Variants in COL9A1 observed in about 807,000 individuals in gnomAD.
COL9A1 encodes the protein collagen type IX alpha 1 chain.
Under a neutral mutation model 142.6 loss-of-function variants are expected in COL9A1, and 104 were observed. The observed-to-expected ratio is 0.73, with a 90% CI of 0.62 to 0.86. COL9A1 has a LOEUF of 0.86. COL9A1 is among the 40% of genes least tolerant of loss of function. The pLI, the probability that COL9A1 is intolerant of heterozygous loss-of-function variation, is 0.00. For synonymous variants in COL9A1, 466 were observed against 396.0 expected (o/e 1.18, Z -2.10); for missense variants, 1,210 against 1,176.6 (o/e 1.03, Z -0.42).
chr6:70,287,945 G>C (rs542603024), intron 5 of COL9A1, among the ~76,000 whole-genome samples: 1 of 152,156 alleles, frequency 6.6e-6, no homozygotes, highest in African/African-American at 2.4e-5. Context: ...TCAGTTCTTG[G>C]ACTTCTATAT....
At chr6:70,242,626 TCGTAG>T in intron 29 of COL9A1, 31 bp downstream of exon 29, 1 of 1,582,132 alleles carries the variant, frequency 6.3e-7, no homozygotes, top group Non-Finnish European at 8.7e-7. Flanking sequence ...GCATTGTGTT[TCGTAG>T]AAGGCAAATA....
chr6:70,241,261 C>A lies in COL9A1; in HGVS notation c.2034+158G>T, dbSNP rs77219154. Among the ~76,000 whole-genome samples, 439 of 152,290 alleles carry A rather than the reference C, an allele frequency of 2.9e-3. 2 individuals are homozygous for A. The highest frequency in any genetic ancestry group is 9.9e-3 in the African/African-American group (410 of 41,558). ...TTAAAATAGTAAACAATGCTGCGGA[C>A]CAAACTCAACACCAGGTTTCACTCA... On this transcript the variant is annotated intron_variant, in intron 31 of 37. Coordinates refer to ENST00000357250, the MANE Select transcript of COL9A1 (RefSeq NM_001851.6).
At chr6:70,240,271 T>C (rs1583234687) in intron 32 of COL9A1, among the ~76,000 whole-genome samples, 1 of 152,300 alleles carries the variant, frequency 6.6e-6, no homozygotes, top group East Asian at 1.9e-4. Context: ...GATTTGTGAG[T>C]CACAGCTTTC....
intron 5 of COL9A1, among the ~76,000 whole-genome samples, chr6:70,291,831 G>T (rs974490412): frequency 6.6e-6 from 1 of 152,118 alleles, no homozygotes; most frequent in African/African-American, 2.4e-5. Context: ...CATAGCAGAA[G>T]ATAAGGTAGA....
chr6:70,292,463 GTAATTGGTAC>G (rs1773695240), intron 5 of COL9A1, among the ~76,000 whole-genome samples: 1 of 152,156 alleles, frequency 6.6e-6, no homozygotes, highest in Non-Finnish European at 1.5e-5. Flanking sequence ...AAAATAGAAA[GTAATTGGTAC>G]TAACCGGTCT....
intron 28 of COL9A1, among the ~76,000 whole-genome samples, chr6:70,249,474 T>C (rs2127572584): frequency 6.6e-6 from 1 of 151,992 alleles, no homozygotes; most frequent in East Asian, 1.9e-4. Context: ...CTGCAGCCGG[T>C]GAGACAATTG....
chr6:70,234,534 T>C lies in COL9A1; in HGVS notation c.2314+5A>G, dbSNP rs1312635431. On this transcript the variant is annotated splice_donor_5th_base_variant and intron_variant, in intron 35 of 37. Transcript: ENST00000357250. ...GAAAAAGTCAAACCATTGTGATTTA[T>C]TTACCTTGTATGACTCTCATGCAAA... The C allele has an allele frequency of 1.2e-6, 2 of 1,613,916 alleles. No homozygotes were observed. The highest frequency in any genetic ancestry group is 8.5e-7 in the Non-Finnish European group (1 of 1,179,882).
chr6:70,301,244 A>G (rs1033816841), intron 2 of COL9A1, among the ~76,000 whole-genome samples: 1 of 152,104 alleles, frequency 6.6e-6, no homozygotes, highest in African/African-American at 2.4e-5. Context: ...TCATCTGACA[A>G]CAGAGACTCT....
At chr6:70,264,868 C>G (rs1443804321) in intron 18 of COL9A1, among the ~76,000 whole-genome samples, 1 of 152,068 alleles carries the variant, frequency 6.6e-6, no homozygotes, top group Non-Finnish European at 1.5e-5. Context: ...TAAAGATCTT[C>G]ATTAACTAAT....
intron 1 of COL9A1, among the ~76,000 whole-genome samples, chr6:70,302,673 C>T (rs1172373779): frequency 2.0e-5 from 3 of 152,070 alleles, no homozygotes; most frequent in Non-Finnish European, 4.4e-5. Context: ...TTTCCTTCCT[C>T]TCTTTTTCTG....
intron 37 of COL9A1, chr6:70,222,786 G>A (rs1327160542): frequency 6.6e-6 from 1 of 151,708 alleles, no homozygotes; most frequent in Non-Finnish European, 1.5e-5. Flanking sequence ...TCCAACAACA[G>A]GAACAACAAA....
At chr6:70,265,723 T>C (rs1035650367) in intron 18 of COL9A1, among the ~76,000 whole-genome samples, 1 of 152,122 alleles carries the variant, frequency 6.6e-6, no homozygotes, top group Non-Finnish European at 1.5e-5. Context: ...ATGCCTTAAC[T>C]ATCACAGCCT....
In COL9A1 at chr6:70,270,332, A is replaced by T. The variant is rs1327478908; in HGVS notation, c.1179T>A (p.Pro393=). 5 of 1,613,728 alleles carry T rather than the reference A, an allele frequency of 3.1e-6. No individual in the cohort carries two copies. In the East Asian group the frequency reaches 1.1e-4, roughly 36 times the overall value. ...AACTTACTCTGGGTCCTGGGGGGCC[A>T]GGGGGGCCAGGTGGTCCTCTTCTCC... ...DPGRRGPPGP[P]GPPGPRGTIG... Residue 393 remains proline (P), a synonymous_variant, in exon 15 of 38, where the codon CCT becomes CCA. Coordinates refer to ENST00000357250, the MANE Select transcript of COL9A1 (RefSeq NM_001851.6).
chr6:70,275,452 G>A (rs970656393), intron 10 of COL9A1, among the ~76,000 whole-genome samples: 17 of 151,570 alleles, frequency 1.1e-4, no homozygotes, highest in Non-Finnish European at 2.1e-4. Context: ...TATGCCACTC[G>A]GTATGTAAAA....
intron 5 of COL9A1, among the ~76,000 whole-genome samples, chr6:70,292,748 G>T (rs141654661): frequency 6.6e-6 from 1 of 152,096 alleles, no homozygotes; most frequent in African/African-American, 2.4e-5. Context: ...CCCTTCACCC[G>T]TGGCCCAGAA....
At chr6:70,226,104 A>T (rs965504284) in intron 36 of COL9A1, 95 bp from the exon 37 acceptor site, 2 of 1,118,204 alleles carry the variant, frequency 1.8e-6, no homozygotes, top group African/African-American at 3.1e-5. Context: ...TTCAGAAACC[A>T]AAAGGTCATG....
intron 33 of COL9A1, 124 bp from the exon 34 acceptor site, chr6:70,235,064 T>A (rs1183607060): frequency 1.6e-6 from 2 of 1,225,212 alleles, no homozygotes; most frequent in African/African-American, 3.0e-5. Flanking sequence ...CAGGTGTTCT[T>A]TCAGAGGTTA....
At chr6:70,291,192 A>G (rs1291900774) in intron 5 of COL9A1, among the ~76,000 whole-genome samples, 1 of 152,158 alleles carries the variant, frequency 6.6e-6, no homozygotes, top group African/African-American at 2.4e-5. Flanking sequence ...GGTTTCTATG[A>G]GTGTTTGACT....
intron 28 of COL9A1, among the ~76,000 whole-genome samples, chr6:70,244,931 G>C (rs1439393902): frequency 6.6e-6 from 1 of 152,172 alleles, no homozygotes; most frequent in African/African-American, 2.4e-5. Context: ...TGCTGAACTT[G>C]TGTACCCATA....
Sources: allele counts gnomAD v4.1 joint callset (sites outside exome capture counted in the v4.1 genomes callset), GRCh38; gene constraint gnomAD v4.1.1; transcripts MANE v1.5; gene names NCBI Gene and HGNC (gene_info 2026-07-23, HGNC 2026-07-21).